The following TUSC3 variants were observed in gnomAD, a reference collection of about 807,000 sequenced individuals.
The protein encoded by TUSC3 is dolichyl-diphosphooligosaccharide--protein glycosyltransferase subunit TUSC3.
TUSC3 carries 45 observed loss-of-function variants against 44.8 expected under a neutral mutation model. The ratio of observed to expected loss-of-function variants is 1.00; its 90% CI spans 0.79 to 1.29. The LOEUF (loss-of-function observed/expected upper bound fraction) is 1.29. Ranked by LOEUF, TUSC3 falls within the 50% of genes most tolerant of loss-of-function variation. The pLI is 0.00. For synonymous variants in TUSC3, 212 were observed against 152.9 expected, an observed-to-expected ratio of 1.39 and a Z score of -2.85; for missense variants, 519 against 437.9, an observed-to-expected ratio of 1.19 and a Z score of -1.65.
At chr8:15,588,138 A>C (rs1803673302) in intron 1 of TUSC3, among the ~76,000 whole-genome samples, 2 of 152,138 alleles carry the variant, frequency 1.3e-5, no homozygotes, top group Non-Finnish European at 2.9e-5. Flanking sequence ...AGGGACCTCC[A>C]TGCTGTTAAC....
intron 6 of TUSC3, among the ~76,000 whole-genome samples, chr8:15,698,837 A>G (rs969497503): frequency 4.1e-5 from 6 of 146,440 alleles, no homozygotes; most frequent in Admixed American, 1.4e-4. Context: ...AGCATGGACC[A>G]TTCTCTTTTT....
intron 6 of TUSC3, among the ~76,000 whole-genome samples, chr8:15,686,428 C>T (rs541822825): frequency 2.6e-5 from 4 of 152,144 alleles, no homozygotes; most frequent in Admixed American, 2.0e-4. Flanking sequence ...ATTCTGCATG[C>T]ACATGCAGAA....
At chr8:15,590,016 C>T (rs945488827) in intron 1 of TUSC3, among the ~76,000 whole-genome samples, 1 of 152,170 alleles carries the variant, frequency 6.6e-6, no homozygotes, top group South Asian at 2.1e-4. Flanking sequence ...TAATGCTTCT[C>T]TGAAAATTCC....
intron 1 of TUSC3, among the ~76,000 whole-genome samples, chr8:15,595,048 CTGGAACAGAA>C (rs1324488185): frequency 6.6e-6 from 1 of 152,146 alleles, no homozygotes; most frequent in African/African-American, 2.4e-5. Context: ...CTAAGGGGGA[CTGGAACAGAA>C]CTTGGGCTAT....
the TUSC3 span, chr8:15,806,482 G>A: frequency 1.5e-4 from 143 of 944,878 alleles, no homozygotes; most frequent in Middle Eastern, 4.4e-4. Context: ...AACAGGTGTC[G>A]ACTATTTCAT....
chr8:15,638,883 G>C (rs1307912750), intron 2 of TUSC3, among the ~76,000 whole-genome samples: 1 of 152,236 alleles, frequency 6.6e-6, no homozygotes, highest in African/African-American at 2.4e-5. Context: ...GCTAGATCAC[G>C]TGATGTTCAG....
chr8:15,436,899 T>C (rs1022800452), intron 1 of TUSC3, among the ~76,000 whole-genome samples: 3 of 152,196 alleles, frequency 2.0e-5, no homozygotes, highest in African/African-American at 7.2e-5. Context: ...GCATATTTTT[T>C]ATTGTTTACA....
intron 1 of TUSC3, among the ~76,000 whole-genome samples, chr8:15,549,195 G>C (rs1236292809): frequency 6.6e-6 from 1 of 151,614 alleles, no homozygotes; most frequent in African/African-American, 2.4e-5. Flanking sequence ...TATTTTTTGA[G>C]ACGGAGTCTT....
Position 15,760,902 on chromosome 8 carries a change from G to C in TUSC3, c.*46+3047G>C, listed in dbSNP as rs370907174. 3.9e-5 allele frequency among the ~76,000 whole-genome samples: 6 copies of C among 152,190 alleles called. No individual in the cohort carries two copies. The East Asian group carries it at 1.2e-3, about 29-fold the overall frequency. Reference sequence around the variant, plus strand: ...AGGCTGCTGTCCCTGCATCTTACTTGTTCTCAGAGTTTTGCTTTTTCAGTT... The same window carrying C: ...AGGCTGCTGTCCCTGCATCTTACTTCTTCTCAGAGTTTTGCTTTTTCAGTT... On this transcript the variant is annotated intron_variant, in intron 10 of 10. Transcript: ENST00000503731.
At chr8:15,432,068 G>C (rs984973699) in intron 1 of TUSC3, among the ~76,000 whole-genome samples, 1 of 151,768 alleles carries the variant, frequency 6.6e-6, no homozygotes, top group Admixed American at 6.6e-5. Flanking sequence ...ATATTGGCTT[G>C]TAATTTTCTT....
At chr8:15,670,846 A>G (rs1807915741) in intron 5 of TUSC3, among the ~76,000 whole-genome samples, 1 of 151,924 alleles carries the variant, frequency 6.6e-6, no homozygotes, top group Admixed American at 6.6e-5. Flanking sequence ...AAACAAGAAT[A>G]AGACAGTGAA....
chr8:15,811,712 T>A, the TUSC3 span, among the ~76,000 whole-genome samples: 2 of 152,196 alleles, frequency 1.3e-5, no homozygotes, highest in Non-Finnish European at 2.9e-5. Flanking sequence ...AGTGAATAGG[T>A]GGCAGGATAA....
At chr8:15,746,331 A>G (rs1051206502) in intron 8 of TUSC3, among the ~76,000 whole-genome samples, 4 of 151,978 alleles carry the variant, frequency 2.6e-5, no homozygotes, top group Admixed American at 6.6e-5. Flanking sequence ...CATGTTGTGT[A>G]TGTGCTTGTG....
At chr8:15,421,999 A>T (rs1023832792) in intron 1 of TUSC3, among the ~76,000 whole-genome samples, 5 of 152,146 alleles carry the variant, frequency 3.3e-5, no homozygotes, top group Admixed American at 2.0e-4. Context: ...TGTACTAATT[A>T]TACTTATTGT....
intron 7 of TUSC3, among the ~76,000 whole-genome samples, chr8:15,735,892 G>GTTT (rs1233785067): frequency 7.4e-5 from 11 of 148,458 alleles, no homozygotes; most frequent in East Asian, 2.0e-4. Context: ...TGTTTTTTTG[G>GTTT]TTTTTTTTTG....
intron 1 of TUSC3, among the ~76,000 whole-genome samples, chr8:15,572,605 T>G (rs544450458): frequency 5.3e-5 from 8 of 152,228 alleles, no homozygotes; most frequent in Non-Finnish European, 7.3e-5. Context: ...GTGTAGCTTT[T>G]GGCCTATCTG....
At chr8:15,578,761 T>C (rs62504222) in intron 1 of TUSC3, among the ~76,000 whole-genome samples, 3,118 of 118,706 alleles carry the variant, frequency 0.026, no homozygotes, top group Middle Eastern at 0.074. Context: ...ATCAAGGATA[T>C]TGGTCTAAAA....
At chr8:15,782,840 C>G in the TUSC3 span, among the ~76,000 whole-genome samples, 1 of 152,118 alleles carries the variant, frequency 6.6e-6, no homozygotes, top group African/African-American at 2.4e-5. Flanking sequence ...TCTACTCTCA[C>G]CACGTGTATT....
chr8:15,750,081 T>G (rs1811628888), intron 9 of TUSC3, among the ~76,000 whole-genome samples: 1 of 150,186 alleles, frequency 6.7e-6, no homozygotes, highest in African/African-American at 2.5e-5. Context: ...CCAGGTTCAC[T>G]CCATTCTCCT....
Sources: gnomAD v4.1 joint callset for allele counts (sites outside exome capture counted in the v4.1 genomes callset) on GRCh38, gnomAD v4.1.1 for gene constraint, MANE v1.5 for transcripts, NCBI Gene and HGNC (gene_info 2026-07-23, HGNC 2026-07-21) for gene names.